The following EIF2AK4 variants were observed in gnomAD, a reference collection of about 807,000 sequenced individuals.
The protein encoded by EIF2AK4 is eIF-2-alpha kinase GCN2.
EIF2AK4 carries 139 observed loss-of-function variants against 211.1 expected under a neutral mutation model. The observed-to-expected ratio is 0.66, with a 90% CI of 0.57 to 0.76. The LOEUF is 0.76. EIF2AK4 is among the 30% of genes least tolerant of loss of function. EIF2AK4 has a pLI of 0.00. For synonymous variants in EIF2AK4, 710 were observed against 751.3 expected (o/e 0.94, Z 0.90); for missense variants, 1,664 against 2,043.8 (o/e 0.81, Z 3.58).
chr15:39,969,126 G>A (rs1004549714), intron 9 of EIF2AK4, among the ~76,000 whole-genome samples: 7 of 151,950 alleles, frequency 4.6e-5, no homozygotes, highest in African/African-American at 1.7e-4. Context: ...TCTTCAAAAT[G>A]TCACCTTTAG....
intron 30 of EIF2AK4, 55 bp from the exon 31 acceptor site, chr15:40,020,844 C>T (rs2035377211): frequency 6.7e-7 from 1 of 1,489,824 alleles, no homozygotes; most frequent in Admixed American, 2.0e-5. Context: ...GCTGGTTTCA[C>T]TTCCATGCCT....
chr15:39,999,602 A>G (rs555872864), intron 20 of EIF2AK4, among the ~76,000 whole-genome samples: 3 of 152,330 alleles, frequency 2.0e-5, no homozygotes, highest in South Asian at 2.1e-4. Context: ...TCCCTCACCT[A>G]TAAAATAAAA....
chr15:39,978,241 GA>G, intron 13 of EIF2AK4, 94 bp downstream of exon 13: 1 of 564,780 alleles, frequency 1.8e-6, no homozygotes, highest in South Asian at 4.1e-5. Flanking sequence ...GCTTTAATCT[GA>G]TATTCAGATA....
chr15:39,990,490 C>T (rs569518142), intron 16 of EIF2AK4, 113 bp downstream of exon 16: 2 of 885,940 alleles, frequency 2.3e-6, no homozygotes, highest in South Asian at 3.2e-5. Flanking sequence ...GTCTAATCCT[C>T]AGGAGATTAT....
chr15:39,968,756 C>T (rs2034579187), intron 9 of EIF2AK4, among the ~76,000 whole-genome samples: 1 of 152,206 alleles, frequency 6.6e-6, no homozygotes, highest in South Asian at 2.1e-4. Flanking sequence ...TTCCACCTAT[C>T]GCAGTAGCCA....
intron 13 of EIF2AK4, among the ~76,000 whole-genome samples, chr15:39,984,237 C>T (rs1414337661): frequency 1.3e-5 from 2 of 152,200 alleles, no homozygotes; most frequent in Non-Finnish European, 2.9e-5. Context: ...CAGTACCAAG[C>T]TGTTTTGGTT....
intron 2 of EIF2AK4, 107 bp downstream of exon 2, chr15:39,939,724 A>T: frequency 1.2e-6 from 1 of 803,342 alleles, no homozygotes; most frequent in Non-Finnish European, 1.8e-6. Flanking sequence ...CCCATTCCAC[A>T]TAAAATTTCA....
chr15:40,029,513 T>G, intron 34 of EIF2AK4, 49 bp downstream of exon 34: 1 of 1,572,558 alleles, frequency 6.4e-7, no homozygotes, highest in South Asian at 1.2e-5. Flanking sequence ...ATATGTTTGC[T>G]CTAAGCACTT....
At chr15:40,013,135 T>C (rs1031696712) in intron 27 of EIF2AK4, among the ~76,000 whole-genome samples, 1 of 152,224 alleles carries the variant, frequency 6.6e-6, no homozygotes, top group Non-Finnish European at 1.5e-5. Context: ...TAAAAAAATA[T>C]TTTAAATCGA....
chr15:40,001,822 G>T (rs2035096790), intron 21 of EIF2AK4, among the ~76,000 whole-genome samples: 1 of 151,952 alleles, frequency 6.6e-6, no homozygotes, highest in Non-Finnish European at 1.5e-5. Flanking sequence ...CCCATCTAGT[G>T]GCTCAGAATC....
At chr15:39,969,301 T>G (rs886828366) in intron 9 of EIF2AK4, among the ~76,000 whole-genome samples, 2 of 151,886 alleles carry the variant, frequency 1.3e-5, no homozygotes, top group African/African-American at 4.8e-5. Flanking sequence ...GTTCTCTTCT[T>G]AAATAGCTGT....
At chr15:39,975,364 C>T (rs2140917809) in intron 11 of EIF2AK4, 1 of 152,338 alleles carries the variant, frequency 6.6e-6, no homozygotes, top group East Asian at 1.9e-4. Flanking sequence ...GTACTTCCTT[C>T]TTATTCCCAG....
chr15:40,029,241 ATAAC>A (rs1362061484), intron 33 of EIF2AK4, 161 bp from the exon 34 acceptor site: 5 of 930,632 alleles, frequency 5.4e-6, no homozygotes, highest in Non-Finnish European at 6.4e-6. Context: ...TGACCAAAGC[ATAAC>A]TAAATGCAAA....
chr15:39,978,030 G>C (rs1566992282), intron 12 of EIF2AK4, 48 bp from the exon 13 acceptor site: 1 of 1,359,758 alleles, frequency 7.4e-7, no homozygotes. Context: ...TGTTTATAAT[G>C]ATAATAGGGA....
chr15:39,937,043 TAA>T (rs1254004877), intron 1 of EIF2AK4, among the ~76,000 whole-genome samples: 1 of 152,234 alleles, frequency 6.6e-6, no homozygotes, highest in Non-Finnish European at 1.5e-5. Flanking sequence ...AGGTGCATGC[TAA>T]AAACTTTTGC....
At chr15:39,943,345 G>C (rs758910446) in intron 2 of EIF2AK4, 38 bp from the exon 3 acceptor site, 2 of 1,269,982 alleles carry the variant, frequency 1.6e-6, no homozygotes, top group Non-Finnish European at 2.1e-6. Context: ...ACTTTCTGGA[G>C]TAACTCTTTT....
At position 39,992,774 on chromosome 15, in the gene EIF2AK4, T is replaced by C; in HGVS notation, c.2692T>C (p.Leu898=). Residue 898 remains leucine (L), a synonymous_variant, in exon 18 of 39, where the codon TTA becomes CTA. Coordinates refer to ENST00000263791, the MANE Select transcript of EIF2AK4 (RefSeq NM_001013703.4). ...CTCTGTTTTCCTCCACACAGGTCAC[T>C]TAACTGGGATGGTTGGCACTGCTCT... ...DLIKSDPSGH[L]TGMVGTALYV... is the part of the protein sequence containing the mutation. 1.2e-6 allele frequency: 2 copies of C among 1,614,140 alleles called. No homozygotes were observed. The highest frequency in any genetic ancestry group is 1.7e-6 in the Non-Finnish European group (2 of 1,179,982).
chr15:39,960,614 A>G (rs2034457725), intron 6 of EIF2AK4, among the ~76,000 whole-genome samples: 1 of 152,120 alleles, frequency 6.6e-6, no homozygotes, highest in Non-Finnish European at 1.5e-5. Context: ...TATGAGGAAC[A>G]GGATGGGGCG....
At chr15:40,003,159 C>G (rs748158962) in intron 22 of EIF2AK4, 34 bp from the exon 23 acceptor site, 1 of 1,610,340 alleles carries the variant, frequency 6.2e-7, no homozygotes, top group Non-Finnish European at 8.5e-7. Context: ...GAATGTGAAC[C>G]TGATGATGAG....
Sources: allele counts gnomAD v4.1 joint callset (sites outside exome capture counted in the v4.1 genomes callset), GRCh38; gene constraint gnomAD v4.1.1; transcripts MANE v1.5; gene names NCBI Gene and HGNC (gene_info 2026-07-23, HGNC 2026-07-21).